Variants in FLVCR1 observed in about 807,000 individuals in gnomAD.
FLVCR1 encodes FLVCR choline and heme transporter 1, also known as choline/ethanolamine transporter FLVCR1.
In FLVCR1, 34 loss-of-function variants were observed where a neutral mutation model predicts 53.6. The ratio of observed to expected loss-of-function variants is 0.63; its 90% confidence interval spans 0.48 to 0.84. The LOEUF (loss-of-function observed/expected upper bound fraction) is 0.84. FLVCR1 is among the 40% of genes least tolerant of loss of function. The pLI, the probability that FLVCR1 is intolerant of heterozygous loss-of-function variation, is 0.00. For synonymous variants in FLVCR1, 300 were observed against 286.3 expected (o/e 1.05, Z -0.48); for missense variants, 677 against 696.7 (o/e 0.97, Z 0.32).
intron 3 of FLVCR1, among the ~76,000 whole-genome samples, chr1:212,880,921 C>T (rs1664911553): frequency 6.6e-6 from 1 of 152,086 alleles, no homozygotes; most frequent in African/African-American, 2.4e-5. Flanking sequence ...ATCAAAGTTA[C>T]TCAAGGATAC....
Position 212,858,319 on chromosome 1 carries a change from C to A in FLVCR1, c.-134C>A. 2.2e-6 allele frequency: 2 copies of A among 910,252 alleles called. No individual in the cohort carries two copies. The highest frequency in any genetic ancestry group is 1.7e-5 in the African/African-American group (1 of 57,738). 56.4% of individuals were successfully genotyped at this position (910,252 alleles called of 1,614,324 possible). ...CGGTAGCGCGGATTGCGGTTCGCGG[C>A]GCGCGCCACCGGGGAAGGAGCGGTG... On this transcript the variant is annotated 5_prime_UTR_variant, in exon 1 of 10. Transcript: ENST00000366971.
chr1:212,888,393 G>A, intron 6 of FLVCR1, 96 bp from the exon 7 acceptor site: 1 of 846,474 alleles, frequency 1.2e-6, no homozygotes, highest in Non-Finnish European at 2.0e-6. Flanking sequence ...CACTTATTTG[G>A]TCATTAGAAT....
intron 1 of FLVCR1, among the ~76,000 whole-genome samples, chr1:212,862,161 T>G (rs1432550277): frequency 7.9e-6 from 1 of 126,578 alleles, no homozygotes; most frequent in Admixed American, 9.4e-5. Flanking sequence ...AGCCATATTT[T>G]TTGTTGAGGT....
chr1:212,872,653 TA>T, intron 2 of FLVCR1, 24 bp from the exon 3 acceptor site: 1 of 1,533,062 alleles, frequency 6.5e-7, no homozygotes, highest in Non-Finnish European at 9.0e-7. Flanking sequence ...TAAATATACA[TA>T]ATCCTTTTCG....
Position 212,897,371 on chromosome 1 carries a change from A to ACACACACACACACACACACACACACACAC in FLVCR1, c.*2081_*2082insCACACACACACACACACACACACACACAC, listed in dbSNP as rs1400672566. 5 of 89,482 alleles carry ACACACACACACACACACACACACACACAC rather than the reference A, an allele frequency of 5.6e-5. No homozygotes were observed. The highest frequency in any genetic ancestry group is 3.4e-4 in the African/African-American group (5 of 14,848). 5.5% of individuals were successfully genotyped at this position (89,482 alleles called of 1,614,324 possible). A position where few individuals can be genotyped will look rare whatever the true frequency, so the allele number is the denominator to read the frequency against. On this transcript the variant is annotated 3_prime_UTR_variant, in exon 10 of 10. Transcript: ENST00000366971. ...ACATACACACACACACACACACACAAATTAGCCGGGCATGGTGGCACACGC... is the reference window on the plus strand; with the variant it reads ...ACATACACACACACACACACACACAACACACACACACACACACACACACACACACATTAGCCGGGCATGGTGGCACACGC...
chr1:212,885,546 G>GTTTAT, intron 5 of FLVCR1, 150 bp downstream of exon 5: 17 of 289,630 alleles, frequency 5.9e-5, no homozygotes, highest in East Asian at 1.4e-4. Flanking sequence ...CTTAACAAGT[G>GTTTAT]TTTCTTTTTT....
chr1:212,885,400 A>T lies in FLVCR1; in HGVS notation c.1196+4A>T. ...TGGATTATACTAAAACATACAAGTA[A>T]GTGAAAGTAAATACATGTATGGTGT... On this transcript the variant is annotated splice_donor_region_variant and intron_variant, in intron 5 of 9. Coordinates refer to ENST00000366971, the MANE Select transcript of FLVCR1 (RefSeq NM_014053.4). The T allele has an allele frequency of 6.3e-7, 1 of 1,598,262 alleles. No homozygotes were observed. Among genetic ancestry groups the T allele is most frequent in the East Asian group, 2.2e-5 (1 of 44,792 alleles).
At chr1:212,860,154 A>G (rs1237898392) in intron 1 of FLVCR1, among the ~76,000 whole-genome samples, 1 of 152,092 alleles carries the variant, frequency 6.6e-6, no homozygotes, top group Non-Finnish European at 1.5e-5. Context: ...CATGCCTGTA[A>G]TTCCAGCTAC....
At chr1:212,865,115 TAA>T (rs1328448340) in intron 2 of FLVCR1, among the ~76,000 whole-genome samples, 2 of 143,804 alleles carry the variant, frequency 1.4e-5, no homozygotes, top group African/African-American at 2.5e-5. Flanking sequence ...TTTGTATTCT[TAA>T]AAAAAAAACA....
In FLVCR1 at chr1:212,863,827, A is replaced by G. The variant is rs1470930786; in HGVS notation, c.841A>G (p.Thr281Ala). 6.2e-7 allele frequency: 1 copy of G among 1,613,802 alleles called. No homozygotes were observed. The highest frequency in any genetic ancestry group is 8.5e-7 in the Non-Finnish European group (1 of 1,179,668). ...TAATATCAGCACCATGTTTTATGGA[A>G]CATCAGCTGTTGCCACACTTTTATT... ...ACNISTMFYGTSAVATLLFIL... is the reference protein window; with the variant it reads ...ACNISTMFYGASAVATLLFIL... The change falls in exon 2 of 10, where the codon ACA becomes GCA. Residue 281 changes from threonine to alanine, a missense_variant. Coordinates refer to ENST00000366971, the MANE Select transcript of FLVCR1 (RefSeq NM_014053.4).
chr1:212,866,048 A>T (rs61833728), intron 2 of FLVCR1, among the ~76,000 whole-genome samples: 1 of 47,064 alleles, frequency 2.1e-5, no homozygotes, highest in Non-Finnish European at 6.5e-5. Flanking sequence ...GCAGTGGCGC[A>T]ATTTCGACTC....
In FLVCR1 at chr1:212,896,036, C is replaced by T. The variant is rs1384080933; in HGVS notation, c.*746C>T. The T allele has an allele frequency of 6.6e-6, 1 of 152,108 alleles. No homozygotes were observed. The highest frequency in any genetic ancestry group is 1.5e-5 in the Non-Finnish European group (1 of 68,024). The allele number at this position is 152,108 out of a possible 1,614,324, so 9.4% of individuals were successfully genotyped here. A position where few individuals can be genotyped will look rare whatever the true frequency, so the allele number is the denominator to read the frequency against. The stretch of plus-strand genomic sequence containing the variant: ...TGTCTTGAGTTCTTTTCTGTGCTGC[C>T]TTTCTATCATGGATAAATGCTAACG... On this transcript the variant is annotated 3_prime_UTR_variant, in exon 10 of 10. Coordinates refer to ENST00000366971, the MANE Select transcript of FLVCR1 (RefSeq NM_014053.4).
At chr1:212,871,825 C>T (rs1572014931) in intron 2 of FLVCR1, among the ~76,000 whole-genome samples, 1 of 152,144 alleles carries the variant, frequency 6.6e-6, no homozygotes, top group African/African-American at 2.4e-5. Context: ...TGTGAAATTT[C>T]TAACTAGAAA....
At chr1:212,884,079 G>A (rs1256160462) in intron 4 of FLVCR1, among the ~76,000 whole-genome samples, 4 of 151,962 alleles carry the variant, frequency 2.6e-5, no homozygotes, top group South Asian at 2.1e-4. Context: ...AGGCCGAGGC[G>A]GGTGGATCAC....
chr1:212,864,478 A>G (rs1462013252), intron 2 of FLVCR1: 1 of 153,070 alleles, frequency 6.5e-6, no homozygotes, highest in African/African-American at 2.4e-5. Flanking sequence ...GTCAAAATCA[A>G]CTGCAAGCAG....
intron 2 of FLVCR1, among the ~76,000 whole-genome samples, chr1:212,868,270 T>C (rs1369355074): frequency 1.3e-5 from 2 of 152,252 alleles, no homozygotes; most frequent in South Asian, 2.1e-4. Flanking sequence ...GGCTATTTTT[T>C]ATATTTTTTG....
At chr1:212,862,064 C>T (rs1378560296) in intron 1 of FLVCR1, among the ~76,000 whole-genome samples, 1 of 152,124 alleles carries the variant, frequency 6.6e-6, no homozygotes, top group African/African-American at 2.4e-5. Context: ...CTCCTCACGC[C>T]CTTCCTCCTA....
intron 1 of FLVCR1, among the ~76,000 whole-genome samples, chr1:212,860,350 G>GTTTTTTTTTTGTTTTTTTTTTTTT (rs1664187293): frequency 1.2e-5 from 1 of 85,824 alleles, no homozygotes; most frequent in Non-Finnish European, 2.4e-5. Context: ...TGTGTGTGTG[G>GTTTTTTTTTTGTTTTTTTTTTTTT]TTTTTTTTTT....
rs374007425 is a variant in FLVCR1 at position 212,884,113 on chromosome 1, G to A, written c.1092+675G>A. 6.7e-4 allele frequency among the ~76,000 whole-genome samples: 102 copies of A among 152,168 alleles called. 1 individual carries two copies. In the South Asian group the frequency reaches 0.019, roughly 28 times the overall value. The stretch of plus-strand genomic sequence containing the variant: ...ACCTGAGGTCGAGACCAGCCTGACC[G>A]ACATGGAGAAACCCTGTCTCTACCA... On this transcript the variant is annotated intron_variant, in intron 4 of 9. Transcript: ENST00000366971.
Sources: allele counts gnomAD v4.1 joint callset (sites outside exome capture counted in the v4.1 genomes callset), GRCh38; gene constraint gnomAD v4.1.1; transcripts MANE v1.5; gene names NCBI Gene and HGNC (gene_info 2026-07-23, HGNC 2026-07-21).